The following NAE1 variants were observed in gnomAD, a reference collection of about 807,000 sequenced individuals.
NAE1 encodes NEDD8 activating enzyme E1 subunit 1.
In NAE1, 59 loss-of-function variants were observed where a neutral mutation model predicts 88.0. The observed-to-expected ratio is 0.67, with a 90% confidence interval of 0.54 to 0.83. The LOEUF (loss-of-function observed/expected upper bound fraction) is 0.83. Among genes scored for constraint, NAE1 ranks in the 40% least tolerant of loss-of-function variants. The probability of loss-of-function intolerance (pLI) is 0.00; values close to 1 mark genes in which losing one functional copy is unlikely to be tolerated. For missense variants in NAE1, 554 were observed against 632.8 expected (o/e 0.88, Z 1.34); for synonymous variants, 186 against 208.9 (o/e 0.89, Z 0.95).
intron 5 of NAE1, 52 bp from the exon 6 acceptor site, chr16:66,823,358 C>T: frequency 1.4e-6 from 2 of 1,432,118 alleles, no homozygotes; most frequent in Non-Finnish European, 1.9e-6. Context: ...ATTTCACAAT[C>T]ATATTAAACA....
intron 10 of NAE1, 45 bp from the exon 11 acceptor site, chr16:66,816,717 C>T (rs768140248): frequency 7.8e-6 from 11 of 1,417,410 alleles, no homozygotes; most frequent in Non-Finnish European, 1.1e-5. Context: ...TTTCTTTTCA[C>T]TCTTCTGTTC....
chr16:66,820,509 G>A (rs1281591901), intron 7 of NAE1, among the ~76,000 whole-genome samples: 1 of 152,208 alleles, frequency 6.6e-6, no homozygotes, highest in African/African-American at 2.4e-5. Flanking sequence ...TGTAATCCCA[G>A]CACCTTGGGA....
intron 1 of NAE1, 146 bp from the exon 2 acceptor site, chr16:66,826,926 G>C: frequency 2.8e-6 from 2 of 706,006 alleles, no homozygotes; most frequent in Non-Finnish European, 4.6e-6. Context: ...TATTAGTATA[G>C]TGATTATACA....
chr16:66,823,788 G>C (rs1003683564), intron 4 of NAE1, among the ~76,000 whole-genome samples, 188 bp from the exon 5 acceptor site: 12 of 152,112 alleles, frequency 7.9e-5, no homozygotes, highest in African/African-American at 2.9e-4. Context: ...TTGTAGCATA[G>C]TGGCCTGATC....
Position 66,816,955 on chromosome 16 carries a change from C to G in NAE1, c.748+10G>C. On this transcript the variant is annotated intron_variant, in intron 10 of 19. Coordinates refer to ENST00000290810, the MANE Select transcript of NAE1 (RefSeq NM_003905.4). ...AGCTTTATACAGTATTTAATCATAT[C>G]CCATATTACCTTGTCTAATCAAATC... 2 of 1,586,954 alleles carry G rather than the reference C, an allele frequency of 1.3e-6. No individual in the cohort carries two copies. Among genetic ancestry groups the G allele is most frequent in the Non-Finnish European group, 1.7e-6 (2 of 1,173,220 alleles).
chr16:66,826,162 GA>G (rs1960456870), intron 3 of NAE1: 1 of 206,494 alleles, frequency 4.8e-6, no homozygotes, highest in Non-Finnish European at 9.9e-6. Context: ...TGTAAAGAGA[GA>G]TACCCCTAGA....
Position 66,830,965 on chromosome 16 carries a change from C to T in NAE1, c.-66G>A. On this transcript the variant is annotated 5_prime_UTR_variant, in exon 1 of 20. Transcript: ENST00000290810. ...AGCGCCGCCACCAGCTCCACAAGCG[C>T]GCAGGCGCACTGAGCGCCCCTTCGC... 1.8e-5 allele frequency: 26 copies of T among 1,415,790 alleles called. No individual in the cohort carries two copies. The highest frequency in any genetic ancestry group is 2.4e-5 in the Non-Finnish European group (26 of 1,076,874). The allele number at this position is 1,415,790 out of a possible 1,614,324, so 87.7% of individuals were successfully genotyped here. A position where few individuals can be genotyped will look rare whatever the true frequency, so the allele number is the denominator to read the frequency against.
intron 4 of NAE1, among the ~76,000 whole-genome samples, chr16:66,823,932 T>C (rs911702220): frequency 2.0e-5 from 3 of 152,182 alleles, no homozygotes; most frequent in Admixed American, 6.5e-5. Context: ...AGACAGGGTC[T>C]TGACATGTTG....
At chr16:66,818,222 A>G (rs1432310022) in intron 8 of NAE1, among the ~76,000 whole-genome samples, 3 of 151,168 alleles carry the variant, frequency 2.0e-5, no homozygotes, top group African/African-American at 7.3e-5. Context: ...ATTCTTTCTA[A>G]TTTTTTTTTG....
chr16:66,828,203 C>G (rs910091591), intron 1 of NAE1: 1 of 733,562 alleles, frequency 1.4e-6, no homozygotes, highest in Admixed American at 2.7e-5. Flanking sequence ...AATACTGGTG[C>G]ATCTTGGCTG....
intron 17 of NAE1, 102 bp from the exon 18 acceptor site, chr16:66,806,128 T>C: frequency 1.5e-6 from 2 of 1,324,236 alleles, no homozygotes; most frequent in Non-Finnish European, 2.0e-6. Context: ...AAAATATGTA[T>C]GAAACTGAAG....
intron 14 of NAE1, 61 bp downstream of exon 14, chr16:66,810,636 C>A: frequency 6.8e-7 from 1 of 1,474,076 alleles, no homozygotes; most frequent in Non-Finnish European, 9.4e-7. Context: ...TGTCTCTAAA[C>A]CCTTTCTGGC....
intron 1 of NAE1, among the ~76,000 whole-genome samples, chr16:66,827,028 TATC>T (rs1960488041): frequency 6.6e-6 from 1 of 152,116 alleles, no homozygotes; most frequent in South Asian, 2.1e-4. Flanking sequence ...TCCAGCCCCT[TATC>T]AGCCTGGGCA....
intron 11 of NAE1, among the ~76,000 whole-genome samples, chr16:66,814,995 A>C (rs1340962182): frequency 1.3e-5 from 2 of 152,094 alleles, no homozygotes; most frequent in Admixed American, 1.3e-4. Flanking sequence ...AAGCTCTTCC[A>C]CCAGACCTCT....
chr16:66,823,283 A>G lies in NAE1; in HGVS notation c.345T>C (p.Asn115=), dbSNP rs1170455961. Residue 115 remains asparagine (N), a synonymous_variant, in exon 6 of 20, where the codon AAT becomes AAC. Coordinates refer to ENST00000290810, the MANE Select transcript of NAE1 (RefSeq NM_003905.4). The part of the protein sequence containing the change: ...VEESPENLLD[N]DPSFFCRFTV... ...TAAACCTACAGAAAAATGAGGGATC[A>G]TTGTCTAGAAGGTTTTCTGGACTCT... The G allele has an allele frequency of 1.2e-6, 2 of 1,604,226 alleles. No homozygotes were observed. The highest frequency in any genetic ancestry group is 1.7e-6 in the Non-Finnish European group (2 of 1,176,902).
intron 7 of NAE1, among the ~76,000 whole-genome samples, chr16:66,819,392 TGA>T (rs1960165740): frequency 6.6e-6 from 1 of 152,206 alleles, no homozygotes; most frequent in South Asian, 2.1e-4. Context: ...GCTCTCCACA[TGA>T]GAGAGGACAG....
At chr16:66,822,583 A>G (rs1055682028) in intron 6 of NAE1, among the ~76,000 whole-genome samples, 1 of 148,492 alleles carries the variant, frequency 6.7e-6, no homozygotes, top group Non-Finnish European at 1.5e-5. Flanking sequence ...GAATAATAAT[A>G]AAAAAAAAAG....
At chr16:66,829,322 A>G (rs1166834171) in intron 1 of NAE1, among the ~76,000 whole-genome samples, 2 of 152,168 alleles carry the variant, frequency 1.3e-5, no homozygotes, top group Non-Finnish European at 2.9e-5. Flanking sequence ...TTTACAAGAA[A>G]ACCTAAGTTG....
At chr16:66,810,827 ATTG>A (rs1959766437) in intron 13 of NAE1, 55 bp from the exon 14 acceptor site, 1 of 1,523,002 alleles carries the variant, frequency 6.6e-7, no homozygotes, top group Non-Finnish European at 9.0e-7. Context: ...CAAAATTTAA[ATTG>A]TTACCATGAA....
Sources: allele counts gnomAD v4.1 joint callset (sites outside exome capture counted in the v4.1 genomes callset), GRCh38; gene constraint gnomAD v4.1.1; transcripts MANE v1.5; gene names NCBI Gene and HGNC (gene_info 2026-07-23, HGNC 2026-07-21).